The following FUNDC2 variants were observed in gnomAD, a reference collection of about 807,000 sequenced individuals.
FUNDC2 encodes the protein FUN14 domain containing 2, also known as FUN14 domain-containing protein 2.
FUNDC2 carries 4 observed loss-of-function variants against 15.6 expected under a neutral mutation model. The observed-to-expected ratio is 0.26, with a 90% CI of 0.13 to 0.59. The LOEUF is 0.59. FUNDC2 is among the 20% of genes least tolerant of loss of function. FUNDC2 has a pLI of 0.90. For missense variants in FUNDC2, 98 were observed against 149.7 expected (o/e 0.65, Z 1.80); for synonymous variants, 44 against 56.9 (o/e 0.77, Z 1.02).
At chrX:155,045,201 A>G (rs1206496225) in intron 2 of FUNDC2, among the ~76,000 whole-genome samples, 3 of 111,853 alleles carry the variant, frequency 2.7e-5, no homozygotes, top group African/African-American at 6.5e-5. Context: ...TACCAGGGAT[A>G]GGATGGGAGG....
intron 3 of FUNDC2, chrX:155,047,441 A>C (rs782513883): frequency 2.9e-6 from 1 of 340,930 alleles, no homozygotes. Context: ...CAGATAGGTC[A>C]GGTGAAAATC....
chrX:155,044,797 T>C (rs2073857434), intron 2 of FUNDC2, among the ~76,000 whole-genome samples: 1 of 112,184 alleles, frequency 8.9e-6, no homozygotes, highest in African/African-American at 3.2e-5. Context: ...GAAAACAGTA[T>C]GGAGGTTCCT....
chrX:155,059,445 T>C lies in FUNDC2; in HGVS notation c.*4773T>C, dbSNP rs2073919558. 1 of 110,833 alleles carries C rather than the reference T, an allele frequency of 9.0e-6. No individual in the cohort carries two copies. Among genetic ancestry groups the C allele is most frequent in the Non-Finnish European group, 1.9e-5 (1 of 52,884 alleles). The allele number at this position is 110,833 out of a possible 1,213,427, so 9.1% of individuals were successfully genotyped here. On this transcript the variant is annotated 3_prime_UTR_variant, in exon 5 of 5. Coordinates refer to ENST00000369498, the MANE Select transcript of FUNDC2 (RefSeq NM_023934.4). ...CTAATAGCCAACTTAACAAAGTTTT[T>C]TTTTTTTTTTGGTTTCTAAAATGGG...
rs1175597305 is a variant in FUNDC2, at chrX:155,055,254, A to G, written c.*582A>G. ...CTGATATTGTCCAGGAATGCTTTCT[A>G]CCGTACAGGATAATGTATCTCATGG... On this transcript the variant is annotated 3_prime_UTR_variant, in exon 5 of 5. Coordinates refer to ENST00000369498, the MANE Select transcript of FUNDC2 (RefSeq NM_023934.4). 3.4e-6 allele frequency: 1 copy of G among 297,875 alleles called. No homozygotes were observed. The highest frequency in any genetic ancestry group is 5.9e-6 in the Non-Finnish European group (1 of 170,591). The allele number at this position is 297,875 out of a possible 1,213,427, so 24.5% of individuals were successfully genotyped here.
Position 155,058,540 on chromosome X carries a change from G to A in FUNDC2, c.*3868G>A, listed in dbSNP as rs2073916684. The A allele has an allele frequency of 9.1e-6, 1 of 110,019 alleles. No individual in the cohort carries two copies. Among genetic ancestry groups the A allele is most frequent in the Non-Finnish European group, 1.9e-5 (1 of 52,775 alleles). The allele number at this position is 110,019 out of a possible 1,213,427, so 9.1% of individuals were successfully genotyped here. A position where few individuals can be genotyped will look rare whatever the true frequency, so the allele number is the denominator to read the frequency against. On this transcript the variant is annotated 3_prime_UTR_variant, in exon 5 of 5. Coordinates refer to ENST00000369498, the MANE Select transcript of FUNDC2 (RefSeq NM_023934.4). ...ATTTCTTCTCAGAGGGAAGCTCACA[G>A]CCAGTTTTGGACCCCAGAGAAAAAT...
At chrX:155,046,796 C>T (rs782546148) in intron 3 of FUNDC2, among the ~76,000 whole-genome samples, 2 of 112,582 alleles carry the variant, frequency 1.8e-5, no homozygotes, top group Admixed American at 1.9e-4. Context: ...TTTATTTCCT[C>T]ATGTGGCGAC....
chrX:155,030,460 G>A (rs2073811261), intron 1 of FUNDC2, among the ~76,000 whole-genome samples: 1 of 109,033 alleles, frequency 9.2e-6, no homozygotes, highest in Non-Finnish European at 1.9e-5. Context: ...AGGATTGCTT[G>A]AGCCCAGAAG....
chrX:155,054,784 A>G lies in FUNDC2; in HGVS notation c.*112A>G. On this transcript the variant is annotated 3_prime_UTR_variant, in exon 5 of 5. Transcript: ENST00000369498. ...CTTCTCCCATGCCTTCTTCCCTGCC[A>G]TGGCAAATCTGAGTGGCTTCTCTAA... The G allele has an allele frequency of 1.5e-6, 1 of 659,710 alleles. No homozygotes were observed. 54.4% of individuals were successfully genotyped at this position (659,710 alleles called of 1,213,427 possible).
chrX:155,052,226 T>C (rs2073881424), intron 4 of FUNDC2, among the ~76,000 whole-genome samples: 1 of 112,115 alleles, frequency 8.9e-6, no homozygotes, highest in African/African-American at 3.2e-5. Context: ...ATAGATGATA[T>C]GTTAAATAAG....
chrX:155,044,030 A>C (rs1454079275), intron 2 of FUNDC2, among the ~76,000 whole-genome samples: 3 of 112,053 alleles, frequency 2.7e-5, no homozygotes, highest in Non-Finnish European at 5.6e-5. Context: ...TATGAGCAGA[A>C]GTGTACCTTG....
At chrX:155,039,393 C>G (rs2073841007) in intron 2 of FUNDC2, among the ~76,000 whole-genome samples, 1 of 112,068 alleles carries the variant, frequency 8.9e-6, no homozygotes, top group Admixed American at 9.5e-5. Context: ...TTTGTTGCCT[C>G]TGCTTTTCGG....
chrX:155,058,123 G>A lies in FUNDC2; in HGVS notation c.*3451G>A, dbSNP rs1360987221. 9.0e-6 allele frequency: 1 copy of A among 111,431 alleles called. No homozygotes were observed. The highest frequency in any genetic ancestry group is 3.3e-5 in the African/African-American group (1 of 30,559). 9.2% of individuals were successfully genotyped at this position (111,431 alleles called of 1,213,427 possible). On this transcript the variant is annotated 3_prime_UTR_variant, in exon 5 of 5. Coordinates refer to ENST00000369498, the MANE Select transcript of FUNDC2 (RefSeq NM_023934.4). Reference sequence around the variant, plus strand: ...TCCAGACATTCATTAACAGGACAGTGGGGTTCTTGACTCCCCTACCACTGG... The same window carrying A: ...TCCAGACATTCATTAACAGGACAGTAGGGTTCTTGACTCCCCTACCACTGG...
intron 3 of FUNDC2, chrX:155,047,025 A>G (rs1242711340): frequency 9.3e-6 from 2 of 215,421 alleles, no homozygotes. Flanking sequence ...TCCTTGACCC[A>G]TAGTTTCAGA....
In FUNDC2 at chrX:155,055,387, A is replaced by G. The variant is rs782212051; in HGVS notation, c.*715A>G. The G allele has an allele frequency of 1.3e-4, 39 of 294,326 alleles. No homozygotes were observed. Among genetic ancestry groups the G allele is most frequent in the African/African-American group, 1.0e-3 (37 of 36,078 alleles). 24.3% of individuals were successfully genotyped at this position (294,326 alleles called of 1,213,427 possible). A position where few individuals can be genotyped will look rare whatever the true frequency, so the allele number is the denominator to read the frequency against. On this transcript the variant is annotated 3_prime_UTR_variant, in exon 5 of 5. Transcript: ENST00000369498. ...GGTTTTAAGCTTTGAAATGTGAATG[A>G]AATATCCTTATCAAAACATTAGGGG...
At chrX:155,046,087 C>T (rs1270102683) in intron 2 of FUNDC2, among the ~76,000 whole-genome samples, 1 of 110,203 alleles carries the variant, frequency 9.1e-6, no homozygotes, top group African/African-American at 3.3e-5. Context: ...TTGCAACCAT[C>T]CTGTCCTCAA....
At chrX:155,027,111 C>A (rs1277155132) in intron 1 of FUNDC2, 40 bp downstream of exon 1, 5 of 1,075,187 alleles carry the variant, frequency 4.7e-6, no homozygotes, top group East Asian at 7.7e-5. Flanking sequence ...CGCGGGGAGC[C>A]GCCTTCCTGG....
intron 3 of FUNDC2, among the ~76,000 whole-genome samples, chrX:155,048,316 C>G (rs1428335269): frequency 8.9e-6 from 1 of 111,767 alleles, no homozygotes; most frequent in Non-Finnish European, 1.9e-5. Flanking sequence ...GTTGGGAGAT[C>G]AGTTATATCA....
intron 1 of FUNDC2, among the ~76,000 whole-genome samples, chrX:155,030,716 G>A (rs1223783771): frequency 2.3e-5 from 2 of 87,857 alleles, no homozygotes; most frequent in Non-Finnish European, 4.3e-5. Context: ...ATGGAGTTTC[G>A]CTCTTGTTGC....
chrX:155,051,041 A>C (rs1557290447), intron 3 of FUNDC2: 1 of 112,335 alleles, frequency 8.9e-6, no homozygotes, highest in Non-Finnish European at 1.9e-5. Context: ...CATTCTCTTC[A>C]TTCCTAGGAT....
Sources: gnomAD v4.1 joint callset for allele counts (sites outside exome capture counted in the v4.1 genomes callset) on GRCh38, gnomAD v4.1.1 for gene constraint, MANE v1.5 for transcripts, NCBI Gene and HGNC (gene_info 2026-07-23, HGNC 2026-07-21) for gene names.